HSPA12A: variants seen among roughly 807,000 people sequenced by gnomAD.
HSPA12A encodes the protein heat shock protein family A (Hsp70) member 12A.
HSPA12A carries 28 observed loss-of-function variants against 69.2 expected under a neutral mutation model. The ratio of observed to expected loss-of-function variants is 0.40; its 90% CI spans 0.30 to 0.55. HSPA12A has a LOEUF of 0.55. Among genes scored for constraint, HSPA12A ranks in the 20% least tolerant of loss-of-function variants. The probability of loss-of-function intolerance (pLI) is 0.38; values close to 1 mark genes in which losing one functional copy is unlikely to be tolerated. For missense variants in HSPA12A, 686 were observed against 900.7 expected, an observed-to-expected ratio of 0.76 and a Z score of 3.05; for synonymous variants, 345 against 370.5, an observed-to-expected ratio of 0.93 and a Z score of 0.79.
In HSPA12A at chr10:116,707,260, T is replaced by C. The variant is rs1554882599; in HGVS notation, c.66A>G (p.Ser22=). 3 of 1,612,436 alleles carry C rather than the reference T, an allele frequency of 1.9e-6. No homozygotes were observed. Among genetic ancestry groups the C allele is most frequent in the South Asian group, 1.1e-5 (1 of 90,570 alleles). ...TGTCCCCAAGACTCCGGGCTGGAGATGAATATGCAGATGTGGGAGCCGTTT... is the reference window on the plus strand; with the variant it reads ...TGTCCCCAAGACTCCGGGCTGGAGACGAATATGCAGATGTGGGAGCCGTTT... ...PRETAPTSAY[S]SPARSLGDTG... Residue 22 remains serine, a synonymous_variant, in exon 2 of 12, where the codon TCA becomes TCG. Coordinates refer to ENST00000369209, the MANE Select transcript of HSPA12A (RefSeq NM_025015.3).
rs782794446 is a variant in HSPA12A, at chr10:116,674,976, G to A, written c.1833C>T (p.Ser611=). ...TCTTCACCCCGGGATCAGTGATGAA[G>A]CTGACGTTGTCGTGCTCAGAGCTGT... The part of the protein sequence containing the change: ...NIYSSEHDNV[S]FITDPGVKKC... The change falls in exon 12 of 12, where the codon AGC becomes AGT. Residue 611 remains serine (S), a synonymous_variant. Coordinates refer to ENST00000369209, the MANE Select transcript of HSPA12A (RefSeq NM_025015.3). The A allele has an allele frequency of 1.9e-6, 3 of 1,614,206 alleles. No homozygotes were observed. The highest frequency in any genetic ancestry group is 1.1e-5 in the South Asian group (1 of 91,080).
intron 5 of HSPA12A, 92 bp from the exon 6 acceptor site, chr10:116,692,559 A>G: frequency 2.1e-6 from 2 of 947,524 alleles, no homozygotes; most frequent in Non-Finnish European, 3.4e-6. Context: ...GCTTCCTGCC[A>G]TGAGCTCTTC....
At chr10:116,784,097 G>A (rs1394109310) in intron 2 of HSPA12A, among the ~76,000 whole-genome samples, 1 of 152,266 alleles carries the variant, frequency 6.6e-6, no homozygotes, top group Admixed American at 6.5e-5. Flanking sequence ...CCTGGTTGCA[G>A]TGTTGACCTC....
chr10:116,722,823 A>G (rs1850821458), intron 1 of HSPA12A, among the ~76,000 whole-genome samples: 1 of 152,096 alleles, frequency 6.6e-6, no homozygotes, highest in Admixed American at 6.5e-5. Flanking sequence ...TTGCACATGG[A>G]CTCTTCATGA....
intron 1 of HSPA12A, among the ~76,000 whole-genome samples, chr10:116,714,462 T>C (rs964288910): frequency 1.3e-5 from 2 of 152,146 alleles, no homozygotes; most frequent in African/African-American, 4.8e-5. Context: ...TTAGCATCTC[T>C]TGCATTCGCT....
chr10:116,850,056 G>GC (rs1160592163), upstream of HSPA12A: 1 of 495,562 alleles, frequency 2.0e-6, no homozygotes, highest in African/African-American at 2.0e-5. Context: ...CCGGCCCACC[G>GC]CCCATGCTTG....
In HSPA12A at chr10:116,742,458, C is replaced by A; in HGVS notation, c.12G>T (p.Lys4Asn). 1 of 1,401,174 alleles carries A rather than the reference C, an allele frequency of 7.1e-7. No individual in the cohort carries two copies. The highest frequency in any genetic ancestry group is 1.4e-5 in the South Asian group (1 of 70,006). 86.8% of individuals were successfully genotyped at this position (1,401,174 alleles called of 1,614,324 possible). ...GGGGCCCGTCGCTGCCGCCGGCCTC[C>A]TTGTCCGCCATGGTCGCGCAGCCCC... MAD[K>N]EAGGSDGPRE... is the part of the protein sequence containing the mutation. The change falls in exon 1 of 12, where the codon AAG becomes AAT. Residue 4 changes from lysine to asparagine, a missense_variant. By Grantham distance (94) the Lys-to-Asn change is moderately conservative. Transcript: ENST00000369209.
At position 116,789,999 on chromosome 10, in the gene HSPA12A, G is replaced by A. The variant is rs560210869; in HGVS notation, c.91+44936C>T. Among the ~76,000 whole-genome samples, 37 of 151,040 alleles carry A rather than the reference G, an allele frequency of 2.4e-4. 1 individual carries two copies. In the South Asian group the frequency reaches 7.3e-3, roughly 30 times the overall value. On this transcript the variant is annotated intron_variant, in intron 2 of 12. Coordinates refer to the HSPA12A transcript ENST00000635765. ...AGAGCCTTCACCAGACCCTGCCCACGCTCCATCAGTAGCTTTGCTGCACAC... is the reference window on the plus strand; with the variant it reads ...AGAGCCTTCACCAGACCCTGCCCACACTCCATCAGTAGCTTTGCTGCACAC...
In HSPA12A at chr10:116,739,329, G is replaced by A. The variant is rs114141735; in HGVS notation, c.40+3101C>T. On this transcript the variant is annotated intron_variant, in intron 1 of 11. Transcript: ENST00000369209. Reference sequence around the variant, plus strand: ...AACAAACGTGGTCAGGGCTAAATGAGATAACTCAATATTCCCAGGTTTCAG... The same window carrying A: ...AACAAACGTGGTCAGGGCTAAATGAAATAACTCAATATTCCCAGGTTTCAG... 5.0e-3 allele frequency among the ~76,000 whole-genome samples: 764 copies of A among 152,286 alleles called. 5 individuals are homozygous for A. Among genetic ancestry groups the A allele is most frequent in the African/African-American group, 0.017 (726 of 41,554 alleles).
intron 6 of HSPA12A, among the ~76,000 whole-genome samples, chr10:116,691,310 T>C (rs1444619275): frequency 6.6e-6 from 1 of 152,138 alleles, no homozygotes; most frequent in Non-Finnish European, 1.5e-5. Flanking sequence ...GAGTGAGCGC[T>C]GAAAACAATT....
intron 6 of HSPA12A, among the ~76,000 whole-genome samples, chr10:116,689,399 C>T (rs895388532): frequency 9.9e-5 from 15 of 152,150 alleles, no homozygotes; most frequent in Non-Finnish European, 2.1e-4. Flanking sequence ...GAAGTTGGGC[C>T]CATGGGATGG....
chr10:116,837,732 C>A (rs1425706748), intron 1 of HSPA12A, among the ~76,000 whole-genome samples: 1 of 151,712 alleles, frequency 6.6e-6, no homozygotes, highest in Non-Finnish European at 1.5e-5. Context: ...ACATACTATA[C>A]CAAAATATAC....
intron 2 of HSPA12A, among the ~76,000 whole-genome samples, chr10:116,821,961 G>A (rs1169230767): frequency 6.6e-6 from 1 of 152,206 alleles, no homozygotes; most frequent in African/African-American, 2.4e-5. Flanking sequence ...AGAGGAATCC[G>A]AATTAAATGA....
intron 1 of HSPA12A, among the ~76,000 whole-genome samples, chr10:116,726,692 C>T (rs1369193537): frequency 6.6e-6 from 1 of 152,212 alleles, no homozygotes; most frequent in East Asian, 1.9e-4. Context: ...ATCCAGACAG[C>T]CAGTCTTGGC....
At chr10:116,836,808 C>T (rs1845721272) in intron 1 of HSPA12A, among the ~76,000 whole-genome samples, 1 of 151,512 alleles carries the variant, frequency 6.6e-6, no homozygotes, top group African/African-American at 2.4e-5. Context: ...CACACAAACT[C>T]CTTCAACCCT....
intron 2 of HSPA12A, among the ~76,000 whole-genome samples, chr10:116,797,076 G>T (rs1196241923): frequency 6.6e-6 from 1 of 152,128 alleles, no homozygotes; most frequent in Non-Finnish European, 1.5e-5. Context: ...TTTCCCATCC[G>T]CAGGAGCTGG....
chr10:116,836,966 A>G (rs1040974959), intron 1 of HSPA12A, among the ~76,000 whole-genome samples: 3 of 152,172 alleles, frequency 2.0e-5, no homozygotes, highest in African/African-American at 7.2e-5. Flanking sequence ...ACAGAAGTAT[A>G]CACTATCTTT....
rs566919176 is a variant in HSPA12A, at chr10:116,733,850, T to G, written c.40+8580A>C. 2.0e-5 allele frequency among the ~76,000 whole-genome samples: 3 copies of G among 152,270 alleles called. No individual in the cohort carries two copies. The East Asian group carries it at 5.8e-4, about 29-fold the overall frequency. ...GTCCTCAACTTAGGATGACTCAACTTATGATATTTTCAACGTTTTTATGGG... is the reference window on the plus strand; with the variant it reads ...GTCCTCAACTTAGGATGACTCAACTGATGATATTTTCAACGTTTTTATGGG... On this transcript the variant is annotated intron_variant, in intron 1 of 11. Coordinates refer to ENST00000369209, the MANE Select transcript of HSPA12A (RefSeq NM_025015.3).
At chr10:116,717,425 C>A (rs775568546) in intron 1 of HSPA12A, among the ~76,000 whole-genome samples, 22 of 152,186 alleles carry the variant, frequency 1.4e-4, no homozygotes, top group Non-Finnish European at 2.1e-4. Flanking sequence ...GTGGCGTATT[C>A]TTTGGTCTGC....
Sources: allele counts gnomAD v4.1 joint callset (sites outside exome capture counted in the v4.1 genomes callset), GRCh38; gene constraint gnomAD v4.1.1; transcripts MANE v1.5; gene names NCBI Gene and HGNC (gene_info 2026-07-23, HGNC 2026-07-21).